GRIK2: variants seen among roughly 807,000 people sequenced by gnomAD.
The protein encoded by GRIK2 is glutamate receptor ionotropic, kainate 2.
GRIK2 carries 32 observed loss-of-function variants against 100.3 expected under a neutral mutation model. That is an observed-to-expected ratio of 0.32 (90% CI 0.24 to 0.43). GRIK2 has a LOEUF of 0.43. Ranked by LOEUF, GRIK2 falls within the 20% of genes least tolerant of loss-of-function variation. The pLI is 1.00. For synonymous variants in GRIK2, 417 were observed against 389.4 expected (o/e 1.07, Z -0.83); for missense variants, 843 against 1,114.9 (o/e 0.76, Z 3.47).
intron 2 of GRIK2, among the ~76,000 whole-genome samples, chr6:101,518,024 T>C (rs1225296521): frequency 6.6e-6 from 1 of 152,150 alleles, no homozygotes; most frequent in Non-Finnish European, 1.5e-5. Flanking sequence ...CCTTTCCAAC[T>C]TAAAGCTAAT....
chr6:101,865,259 G>C (rs1022281070), intron 11 of GRIK2, among the ~76,000 whole-genome samples: 1 of 152,200 alleles, frequency 6.6e-6, no homozygotes, highest in East Asian at 1.9e-4. Flanking sequence ...CAGATTTCCA[G>C]CTGTCTGAAT....
chr6:101,785,959 C>G (rs1017967377), intron 7 of GRIK2, among the ~76,000 whole-genome samples: 1 of 151,908 alleles, frequency 6.6e-6, no homozygotes, highest in Non-Finnish European at 1.5e-5. Flanking sequence ...TGAGCATGGT[C>G]TTTTCATCTG....
At chr6:101,994,717 G>C (rs1207613913) in intron 14 of GRIK2, among the ~76,000 whole-genome samples, 3 of 151,778 alleles carry the variant, frequency 2.0e-5, no homozygotes, top group Non-Finnish European at 4.4e-5. Flanking sequence ...TTCCATTAGA[G>C]CTAGGATGAA....
At chr6:101,961,143 G>A (rs976163568) in intron 14 of GRIK2, among the ~76,000 whole-genome samples, 1 of 152,056 alleles carries the variant, frequency 6.6e-6, no homozygotes, top group African/African-American at 2.4e-5. Context: ...CTTCTTCCAG[G>A]GCTCAGGACT....
At chr6:101,572,179 TAGC>T (rs571528466) in intron 2 of GRIK2, among the ~76,000 whole-genome samples, 88 of 152,272 alleles carry the variant, frequency 5.8e-4, no homozygotes, top group Non-Finnish European at 1.1e-3. Context: ...ACACAGATAT[TAGC>T]AGCCACAGAG....
chr6:101,806,628 T>G (rs1781024397), intron 9 of GRIK2, among the ~76,000 whole-genome samples: 2 of 145,646 alleles, frequency 1.4e-5, no homozygotes, highest in African/African-American at 2.7e-5. Flanking sequence ...TACAGAGGGT[T>G]TTTTTTTTTT....
chr6:102,047,620 G>A (rs972220445), intron 15 of GRIK2, among the ~76,000 whole-genome samples: 2 of 151,800 alleles, frequency 1.3e-5, no homozygotes, highest in Non-Finnish European at 2.9e-5. Context: ...ATGGTGGTGT[G>A]AGCCTGTAAT....
intron 2 of GRIK2, among the ~76,000 whole-genome samples, chr6:101,547,816 A>G (rs1238925612): frequency 3.1e-4 from 47 of 151,670 alleles, no homozygotes; most frequent in African/African-American, 1.0e-3. Context: ...ATGATTTATA[A>G]TCCTTTGGGT....
chr6:101,860,288 A>G (rs1398035841), intron 11 of GRIK2, among the ~76,000 whole-genome samples: 1 of 152,168 alleles, frequency 6.6e-6, no homozygotes, highest in Non-Finnish European at 1.5e-5. Context: ...GTTGGGAAGC[A>G]TAGTCTCTGG....
intron 2 of GRIK2, among the ~76,000 whole-genome samples, chr6:101,545,645 T>C (rs1369162841): frequency 6.6e-6 from 1 of 152,198 alleles, no homozygotes; most frequent in Non-Finnish European, 1.5e-5. Flanking sequence ...TGTTAAGTGA[T>C]AATAGTGCAA....
chr6:101,792,099 G>T (rs1779910272), intron 7 of GRIK2, among the ~76,000 whole-genome samples: 1 of 151,756 alleles, frequency 6.6e-6, no homozygotes, highest in Admixed American at 6.6e-5. Context: ...GCCTATGTGT[G>T]TCTCTGCACG....
intron 14 of GRIK2, among the ~76,000 whole-genome samples, chr6:102,030,128 A>G (rs1287236622): frequency 6.6e-6 from 1 of 151,290 alleles, no homozygotes; most frequent in Admixed American, 6.6e-5. Flanking sequence ...TCACTTACAC[A>G]TGGAATGTAA....
chr6:101,973,590 C>T (rs569033786), intron 14 of GRIK2, among the ~76,000 whole-genome samples: 1 of 151,878 alleles, frequency 6.6e-6, no homozygotes, highest in Admixed American at 6.6e-5. Context: ...AAGATGTTTA[C>T]TTTTAGATCT....
intron 14 of GRIK2, among the ~76,000 whole-genome samples, chr6:101,986,133 C>T (rs1271851491): frequency 6.6e-6 from 1 of 151,670 alleles, no homozygotes; most frequent in Non-Finnish European, 1.5e-5. Context: ...TAGATGCACT[C>T]GTGATGTGAT....
chr6:101,539,068 A>C (rs1775862907), intron 2 of GRIK2, among the ~76,000 whole-genome samples: 1 of 151,776 alleles, frequency 6.6e-6, no homozygotes, highest in African/African-American at 2.4e-5. Context: ...ATATTGAATC[A>C]ATCAACAAAT....
intron 4 of GRIK2, among the ~76,000 whole-genome samples, chr6:101,640,072 A>G (rs927551317): frequency 3.3e-5 from 5 of 152,222 alleles, no homozygotes; most frequent in Non-Finnish European, 7.3e-5. Flanking sequence ...TTGAGAAAAC[A>G]AAACTTATTG....
chr6:101,930,482 T>C lies in GRIK2; in HGVS notation c.2085+1850T>C, dbSNP rs1010005075. The stretch of plus-strand genomic sequence containing the variant: ...ATATCCAAGTGACTTTTGAATTGAA[T>C]TTGTAAAATATAATAATACAACCTA... On this transcript the variant is annotated intron_variant, in intron 14 of 16. Coordinates refer to ENST00000369134, the MANE Select transcript of GRIK2 (RefSeq NM_021956.5). Among the ~76,000 whole-genome samples the C allele has an allele frequency of 1.2e-4, 19 of 152,268 alleles. No individual in the cohort carries two copies. The East Asian group carries it at 3.5e-3, about 28-fold the overall frequency.
chr6:101,437,419 T>C (rs926652867), intron 2 of GRIK2, among the ~76,000 whole-genome samples: 4 of 152,028 alleles, frequency 2.6e-5, no homozygotes, highest in African/African-American at 9.7e-5. Context: ...CGGTGTGAAT[T>C]AGGACAAAAA....
At chr6:101,526,059 G>C (rs771181439) in intron 2 of GRIK2, among the ~76,000 whole-genome samples, 2 of 152,194 alleles carry the variant, frequency 1.3e-5, no homozygotes, top group Non-Finnish European at 2.9e-5. Flanking sequence ...TGTCTGGAAA[G>C]AGCAGCAGAG....
Sources: allele counts gnomAD v4.1 joint callset (sites outside exome capture counted in the v4.1 genomes callset), GRCh38; gene constraint gnomAD v4.1.1; transcripts MANE v1.5; gene names NCBI Gene and HGNC (gene_info 2026-07-23, HGNC 2026-07-21).